DNAH5: variants seen among roughly 807,000 people sequenced by gnomAD.
DNAH5 encodes the protein dynein axonemal heavy chain 5.
DNAH5 carries 372 observed loss-of-function variants against 518.2 expected under a neutral mutation model. The observed-to-expected ratio is 0.72, with a 90% CI of 0.66 to 0.78. The LOEUF (loss-of-function observed/expected upper bound fraction) is 0.78. DNAH5 is among the 30% of genes least tolerant of loss of function. DNAH5 has a pLI of 0.00. For missense variants in DNAH5, 5,523 were observed against 5,687.0 expected (o/e 0.97, Z 0.93); for synonymous variants, 2,039 against 2,025.9 (o/e 1.01, Z -0.17).
At position 13,863,184 on chromosome 5, in the gene DNAH5, C is replaced by T. The variant is rs548606386; in HGVS notation, c.4597-437G>A. On this transcript the variant is annotated intron_variant, in intron 28 of 78. Transcript: ENST00000265104. ...ATGGCTCTGTTGACTTTCCCAGTCT[C>T]CTCATGGCCTCAACCTTCTCCTAGA... Among the ~76,000 whole-genome samples the T allele has an allele frequency of 4.6e-5, 7 of 152,264 alleles. No homozygotes were observed. In the South Asian group the frequency reaches 1.2e-3, roughly 27 times the overall value.
chr5:13,835,260 C>A (rs1311587460), intron 35 of DNAH5, among the ~76,000 whole-genome samples: 2 of 145,840 alleles, frequency 1.4e-5, no homozygotes, highest in Admixed American at 1.4e-4. Flanking sequence ...GCCTGGGCGA[C>A]AGAGTGAGAC....
chr5:13,937,672 A>T (rs965778253), intron 1 of DNAH5, among the ~76,000 whole-genome samples: 1 of 97,748 alleles, frequency 1.0e-5, no homozygotes, highest in Non-Finnish European at 2.0e-5. Context: ...GCCAAAGAAT[A>T]TTTGGTTGTT....
chr5:13,945,539 T>C (rs1295846401), upstream of DNAH5, among the ~76,000 whole-genome samples: 1 of 152,204 alleles, frequency 6.6e-6, no homozygotes. Context: ...AGACAACATT[T>C]AGACCTCAAT....
chr5:13,982,975 G>A (rs1782794378), intron 1 of DNAH5, among the ~76,000 whole-genome samples: 1 of 152,196 alleles, frequency 6.6e-6, no homozygotes, highest in African/African-American at 2.4e-5. Context: ...GGGCATATCT[G>A]GTAGATTAGG....
chr5:13,876,545 G>C, intron 22 of DNAH5, 139 bp downstream of exon 22: 3 of 944,810 alleles, frequency 3.2e-6, no homozygotes, highest in Middle Eastern at 2.5e-4. Context: ...ACAAACATTT[G>C]CTGAGCACAT....
chr5:13,991,859 C>A (rs182961975), intron 1 of DNAH5, among the ~76,000 whole-genome samples: 2 of 152,062 alleles, frequency 1.3e-5, no homozygotes, highest in African/African-American at 2.4e-5. Context: ...TCTCCATCTG[C>A]GAAAGAGATA....
intron 53 of DNAH5, 59 bp downstream of exon 53, chr5:13,780,770 G>C: frequency 6.3e-7 from 1 of 1,586,642 alleles, no homozygotes; most frequent in Non-Finnish European, 8.6e-7. Context: ...ACTTCAGGTG[G>C]CCTCTGAGCA....
chr5:13,936,013 C>T (rs890443161), intron 1 of DNAH5, among the ~76,000 whole-genome samples: 6 of 152,136 alleles, frequency 3.9e-5, no homozygotes, highest in East Asian at 1.9e-4. Flanking sequence ...TAAAACATTG[C>T]GGCAATTTGT....
In DNAH5 at chr5:13,900,335, A is replaced by G. The variant is rs754161813; in HGVS notation, c.2130T>C (p.Phe710=). ...TAAATAAGATTAATATCTGAGGGTC[A>G]AAGTTTACAAACAATTCCCCTGTGC... ...APGTGELFVN[F]DPQILILFRE... Residue 710 remains phenylalanine, a synonymous_variant, in exon 15 of 79, where the codon TTT becomes TTC. Coordinates refer to ENST00000265104, the MANE Select transcript of DNAH5 (RefSeq NM_001369.3). The G allele has an allele frequency of 1.2e-6, 2 of 1,614,094 alleles. No individual in the cohort carries two copies. Among genetic ancestry groups the G allele is most frequent in the Admixed American group, 3.3e-5 (2 of 60,010 alleles).
chr5:13,858,950 T>A (rs745492306), intron 30 of DNAH5, among the ~76,000 whole-genome samples: 1 of 152,228 alleles, frequency 6.6e-6, no homozygotes, highest in African/African-American at 2.4e-5. Context: ...TACGATTTGA[T>A]GATAAATATA....
intron 22 of DNAH5, among the ~76,000 whole-genome samples, chr5:13,874,872 A>G (rs2218514): frequency 0.97 from 148,113 of 152,212 alleles, 72,075 homozygotes; most frequent in Non-Finnish European, 0.98. Flanking sequence ...ACCTATGGGC[A>G]TGCTAAAGGC....
chr5:13,985,324 T>C (rs1019733565), intron 1 of DNAH5, among the ~76,000 whole-genome samples: 1 of 151,432 alleles, frequency 6.6e-6, no homozygotes, highest in African/African-American at 2.4e-5. Context: ...ATATACCTAA[T>C]GTAAATGACG....
chr5:13,975,221 G>C (rs947562196), intron 1 of DNAH5, among the ~76,000 whole-genome samples: 1 of 152,192 alleles, frequency 6.6e-6, no homozygotes, highest in African/African-American at 2.4e-5. Flanking sequence ...CATGGCGGCG[G>C]CAAGAAAGAG....
At chr5:13,743,944 ATAGAAC>A (rs1412269772) in intron 65 of DNAH5, among the ~76,000 whole-genome samples, 3 of 151,930 alleles carry the variant, frequency 2.0e-5, no homozygotes, top group Non-Finnish European at 4.4e-5. Context: ...ACTGAAACAA[ATAGAAC>A]TACCACATGA....
intron 59 of DNAH5, 49 bp from the exon 60 acceptor site, chr5:13,762,950 G>A: frequency 6.7e-7 from 1 of 1,496,470 alleles, no homozygotes; most frequent in Non-Finnish European, 9.3e-7. Flanking sequence ...TTTCCATAAA[G>A]TCATACTTGC....
At chr5:13,763,349 G>A (rs1752036386) in intron 59 of DNAH5, among the ~76,000 whole-genome samples, 2 of 152,136 alleles carry the variant, frequency 1.3e-5, no homozygotes, top group South Asian at 2.1e-4. Context: ...GCAACTAAAC[G>A]CTTAATACAT....
intron 17 of DNAH5, among the ~76,000 whole-genome samples, chr5:13,890,445 G>A (rs1773060201): frequency 6.6e-6 from 1 of 151,704 alleles, no homozygotes; most frequent in South Asian, 2.1e-4. Flanking sequence ...TCTTCTGAGG[G>A]CCTTTATCTT....
At chr5:13,805,916 G>A (rs1184310642) in intron 47 of DNAH5, among the ~76,000 whole-genome samples, 2 of 151,996 alleles carry the variant, frequency 1.3e-5, no homozygotes, top group Admixed American at 6.6e-5. Context: ...AGTCTTGTGG[G>A]GACTCGGCCC....
At chr5:13,729,606 T>C (rs1193071172) in intron 68 of DNAH5, 46 bp from the exon 69 acceptor site, 1 of 1,489,860 alleles carries the variant, frequency 6.7e-7, no homozygotes, top group East Asian at 2.4e-5. Context: ...TCCTTCACTA[T>C]AAAACAATCT....
Sources: gnomAD v4.1 joint callset for allele counts (sites outside exome capture counted in the v4.1 genomes callset) on GRCh38, gnomAD v4.1.1 for gene constraint, MANE v1.5 for transcripts, NCBI Gene and HGNC (gene_info 2026-07-23, HGNC 2026-07-21) for gene names.